The following ARF1 variants were observed in gnomAD, a reference collection of about 807,000 sequenced individuals.
The protein encoded by ARF1 is ADP-ribosylation factor 1.
ARF1 carries 1 observed loss-of-function variant against 18.0 expected under a neutral mutation model. That is an observed-to-expected ratio of 0.06 (90% CI 0.02 to 0.26). The LOEUF (loss-of-function observed/expected upper bound fraction) is 0.26, where lower values mean the gene tolerates loss of function less well. Ranked by LOEUF, ARF1 falls within the 10% of genes least tolerant of loss-of-function variation. The pLI is 1.00. For synonymous variants in ARF1, 112 were observed against 96.3 expected, an observed-to-expected ratio of 1.16 and a Z score of -0.95; for missense variants, 73 against 247.2, an observed-to-expected ratio of 0.30 and a Z score of 4.73.
rs112401439 is a variant in ARF1 at position 228,089,546 on chromosome 1, A to G, written c.-38+6781A>G. On this transcript the variant is annotated intron_variant, in intron 1 of 4. Coordinates refer to ENST00000272102, the MANE Select transcript of ARF1 (RefSeq NM_001658.4). This position sits in a 1 kb window ranked among gnomAD's most constrained non-coding sequence, Gnocchi z 4.1. Reference sequence around the variant, plus strand: ...TGTGTGGTGTTTCCCCTCAGCCTACATTTTTAAAATGAACGTTTCTTGAAG... The same window carrying G: ...TGTGTGGTGTTTCCCCTCAGCCTACGTTTTTAAAATGAACGTTTCTTGAAG... Among the ~76,000 whole-genome samples the G allele has an allele frequency of 0.012, 1,787 of 152,298 alleles. 12 individuals are homozygous for G. The highest frequency in any genetic ancestry group is 0.019 in the Non-Finnish European group (1,325 of 68,020).
Position 228,097,596 on chromosome 1 carries a change from A to G in ARF1, c.265A>G (p.Ile89Val), listed in dbSNP as rs2032794801. ...TGACACTGGCTGCCCGGCAGGCCTG[A>G]TCTTCGTGGTGGACAGCAATGACAG... ...RHYFQNTQGL[I>V]FVVDSNDRER... Residue 89 changes from isoleucine to valine, a missense_variant, in exon 4 of 5, where the codon ATC becomes GTC. Around this residue, in one of 3 missense-constraint regions of ARF1, gnomAD observed 48 missense variants for 144.7 expected, o/e 0.33. Coordinates refer to ENST00000272102, the MANE Select transcript of ARF1 (RefSeq NM_001658.4). The surrounding 1 kb of genome is among the most constrained non-coding windows in gnomAD (Gnocchi z 8.1). 6.2e-7 allele frequency: 1 copy of G among 1,614,172 alleles called. No individual in the cohort carries two copies. The highest frequency in any genetic ancestry group is 8.5e-7 in the Non-Finnish European group (1 of 1,180,024).
intron 1 of ARF1, among the ~76,000 whole-genome samples, chr1:228,094,127 G>T (rs972585352): frequency 1.3e-5 from 2 of 150,704 alleles, no homozygotes; most frequent in African/African-American, 4.9e-5. Context: ...GGGTCGAGGG[G>T]GTTGGTGACG....
intron 1 of ARF1, among the ~76,000 whole-genome samples, chr1:228,084,684 G>C (rs559578781): frequency 1.3e-5 from 2 of 152,310 alleles, no homozygotes; most frequent in African/African-American, 4.8e-5. Context: ...ACTATAGGAA[G>C]ATGCATTTGA....
At chr1:228,085,575 C>G (rs553722674) in intron 1 of ARF1, among the ~76,000 whole-genome samples, 29 of 152,336 alleles carry the variant, frequency 1.9e-4, no homozygotes, top group Middle Eastern at 6.8e-3. Context: ...ACAGTGGTAA[C>G]AAGGGCTTGC....
rs2032799022 is a variant in ARF1 at position 228,097,763 on chromosome 1, C to G, written c.384+48C>G. On this transcript the variant is annotated intron_variant, in intron 4 of 4. Coordinates refer to ENST00000272102, the MANE Select transcript of ARF1 (RefSeq NM_001658.4). The surrounding 1 kb of genome is among the most constrained non-coding windows in gnomAD (Gnocchi z 8.1). ...GGAATGTGAGGAGCCAGTGTGGGTT[C>G]CGCCTGGTGGTAGGGGTTACTGGAG... 1 of 1,590,224 alleles carries G rather than the reference C, an allele frequency of 6.3e-7. No individual in the cohort carries two copies. The highest frequency in any genetic ancestry group is 8.6e-7 in the Non-Finnish European group (1 of 1,166,834).
chr1:228,094,537 G>A (rs890589478), intron 1 of ARF1, among the ~76,000 whole-genome samples: 3 of 151,980 alleles, frequency 2.0e-5, no homozygotes, highest in Non-Finnish European at 4.4e-5. Context: ...ATAAGAATAC[G>A]TAGGTGGCGT....
chr1:228,083,033 C>G (rs1362107191), intron 1 of ARF1: 1 of 152,456 alleles, frequency 6.6e-6, no homozygotes, highest in African/African-American at 2.4e-5. Flanking sequence ...GCTTGTCCTC[C>G]TCTGCCTGTC....
Position 228,098,844 on chromosome 1 carries a change from G to A in ARF1, c.*831G>A, listed in dbSNP as rs2032853622. 6.5e-6 allele frequency: 1 copy of A among 152,696 alleles called. No homozygotes were observed. Among genetic ancestry groups the A allele is most frequent in the Non-Finnish European group, 1.5e-5 (1 of 68,066 alleles). The allele number at this position is 152,696 out of a possible 1,614,324, so 9.5% of individuals were successfully genotyped here. A position where few individuals can be genotyped will look rare whatever the true frequency, so the allele number is the denominator to read the frequency against. On this transcript the variant is annotated 3_prime_UTR_variant, in exon 5 of 5. Coordinates refer to ENST00000272102, the MANE Select transcript of ARF1 (RefSeq NM_001658.4). ...GCTCGCTCAGACACTTTGGCAGGAT[G>A]TCTGGGGCCTCACCAGCAGGAGCGC...
At chr1:228,086,385 G>A (rs2032401175) in intron 1 of ARF1, among the ~76,000 whole-genome samples, 1 of 152,060 alleles carries the variant, frequency 6.6e-6, no homozygotes, top group African/African-American at 2.4e-5. Context: ...GTGTGGTGGT[G>A]TGCACCTGTA....
In ARF1 at chr1:228,097,818, G is replaced by T. The variant is rs2032801074; in HGVS notation, c.385-34G>T. 1 of 1,604,246 alleles carries T rather than the reference G, an allele frequency of 6.2e-7. No individual in the cohort carries two copies. The highest frequency in any genetic ancestry group is 8.5e-7 in the Non-Finnish European group (1 of 1,174,190). ...GTGGGGCCCCTTTCTCTGTCCTGTG[G>T]ACAGCCCTTCCCACCAACCCTTCCT... On this transcript the variant is annotated intron_variant, in intron 4 of 4. Coordinates refer to ENST00000272102, the MANE Select transcript of ARF1 (RefSeq NM_001658.4). The surrounding 1 kb of genome is among the most constrained non-coding windows in gnomAD (Gnocchi z 8.1).
rs191358228 is a variant in ARF1 at position 228,088,638 on chromosome 1, G to A, written c.-38+5873G>A. Among the ~76,000 whole-genome samples the A allele has an allele frequency of 9.3e-4, 141 of 152,330 alleles. 2 individuals are homozygous for A. The East Asian group carries it at 0.015, about 16-fold the overall frequency. ...TCTTCAGAATCACAGCAAGAATTCAGTTTCCAGAAGGAAAAGCTACAGTAG... is the reference window on the plus strand; with the variant it reads ...TCTTCAGAATCACAGCAAGAATTCAATTTCCAGAAGGAAAAGCTACAGTAG... On this transcript the variant is annotated intron_variant, in intron 1 of 4. Coordinates refer to ENST00000272102, the MANE Select transcript of ARF1 (RefSeq NM_001658.4).
rs188299143 is a variant in ARF1 at position 228,087,311 on chromosome 1, A to G, written c.-38+4546A>G. Among the ~76,000 whole-genome samples the G allele has an allele frequency of 9.6e-4, 146 of 152,334 alleles. 2 individuals carry two copies. In the East Asian group the frequency reaches 0.015, roughly 15 times the overall value. Reference sequence around the variant, plus strand: ...ACAAATGGCCAAGAAGCTATCATCTATACTCATCCTGGGGATTGGGAACGG... The same window carrying G: ...ACAAATGGCCAAGAAGCTATCATCTGTACTCATCCTGGGGATTGGGAACGG... On this transcript the variant is annotated intron_variant, in intron 1 of 4. Transcript: ENST00000272102.
chr1:228,095,010 C>G (rs1195609666), intron 1 of ARF1, among the ~76,000 whole-genome samples: 2 of 152,168 alleles, frequency 1.3e-5, no homozygotes, highest in Admixed American at 1.3e-4. Context: ...TTCGTACGTT[C>G]TTTCTTTTTA....
chr1:228,084,223 T>A (rs2032319252), intron 1 of ARF1, among the ~76,000 whole-genome samples: 1 of 152,182 alleles, frequency 6.6e-6, no homozygotes, highest in Non-Finnish European at 1.5e-5. Flanking sequence ...GCCAGAACCA[T>A]AAGGTCCTGA....
In ARF1 at chr1:228,082,875, C is replaced by CGCGGCG. The variant is rs369759823; in HGVS notation, c.-38+120_-38+125dup. On this transcript the variant is annotated intron_variant, in intron 1 of 4. Transcript: ENST00000272102. The surrounding 1 kb of genome is among the most constrained non-coding windows in gnomAD (Gnocchi z 6.1). Reference sequence around the variant, plus strand: ...GGTTCGCGAAGGGCACGTCGACCCCCGCGGCGGCGGCGGCGACAGGGCCGG... The same window carrying CGCGGCG: ...GGTTCGCGAAGGGCACGTCGACCCCCGCGGCGGCGGCGGCGGCGGCGACAGGGCCGG... 9,530 of 152,402 alleles carry CGCGGCG rather than the reference C, an allele frequency of 0.063. 393 individuals carry two copies. Among genetic ancestry groups the CGCGGCG allele is most frequent in the East Asian group, 0.11 (549 of 5,082 alleles). 9.4% of individuals were successfully genotyped at this position (152,402 alleles called of 1,614,324 possible). A position where few individuals can be genotyped will look rare whatever the true frequency, so the allele number is the denominator to read the frequency against.
In ARF1 at chr1:228,097,550, G is replaced by A. The variant is rs767885108; in HGVS notation, c.260-41G>A. 2.4e-5 allele frequency: 38 copies of A among 1,613,844 alleles called. No individual in the cohort carries two copies. Among genetic ancestry groups the A allele is most frequent in the African/African-American group, 1.3e-5 (1 of 74,900 alleles). On this transcript the variant is annotated intron_variant, in intron 3 of 4. Transcript: ENST00000272102. The surrounding 1 kb of genome is among the most constrained non-coding windows in gnomAD (Gnocchi z 8.1). ...TCGATGCCCATAGATGCGGCAGGGG[G>A]GCTGTGTTCCCATGACCATTTGACA...
At chr1:228,083,838 T>A (rs1367442146) in intron 1 of ARF1, among the ~76,000 whole-genome samples, 1 of 152,178 alleles carries the variant, frequency 6.6e-6, no homozygotes, top group Non-Finnish European at 1.5e-5. Flanking sequence ...AGGCAGCCAG[T>A]TGCTGCTTTG....
Position 228,097,738 on chromosome 1 carries a change from G to A in ARF1, c.384+23G>A. 1 of 1,596,260 alleles carries A rather than the reference G, an allele frequency of 6.3e-7. No individual in the cohort carries two copies. The highest frequency in any genetic ancestry group is 8.5e-7 in the Non-Finnish European group (1 of 1,170,190). ...CAGGTAGGCGCCCGGGCCAGCCTGGGGAATGTGAGGAGCCAGTGTGGGTTC... is the reference window on the plus strand; with the variant it reads ...CAGGTAGGCGCCCGGGCCAGCCTGGAGAATGTGAGGAGCCAGTGTGGGTTC... On this transcript the variant is annotated intron_variant, in intron 4 of 4. Transcript: ENST00000272102. This position sits in a 1 kb window ranked among gnomAD's most constrained non-coding sequence, Gnocchi z 8.1.
At chr1:228,091,492 C>T (rs1186079105) in intron 1 of ARF1, among the ~76,000 whole-genome samples, 2 of 152,154 alleles carry the variant, frequency 1.3e-5, no homozygotes, top group Non-Finnish European at 1.5e-5. Flanking sequence ...TCAGATGCAG[C>T]CCAGAATAAG....
Sources: gnomAD v4.1 joint callset for allele counts (sites outside exome capture counted in the v4.1 genomes callset) on GRCh38, gnomAD v4.1.1 for gene constraint, gnomAD v4.1.1 regional missense constraint, Gnocchi (gnomAD v3.1) non-coding constraint, MANE v1.5 for transcripts, NCBI Gene and HGNC (gene_info 2026-07-23, HGNC 2026-07-21) for gene names.